COL21A1: variants seen among roughly 807,000 people sequenced by gnomAD.
The protein encoded by COL21A1 is collagen alpha-1(XXI) chain.
A neutral mutation model predicts 137.9 loss-of-function variants in COL21A1; 149 were observed. That is an observed-to-expected ratio of 1.08 (90% CI 0.95 to 1.24). The LOEUF (loss-of-function observed/expected upper bound fraction) is 1.24. Among genes scored for constraint, COL21A1 ranks in the 50% most tolerant of loss-of-function variants. COL21A1 has a pLI of 0.00. For missense variants in COL21A1, 1,167 were observed against 1,158.4 expected, an observed-to-expected ratio of 1.01 and a Z score of -0.11; for synonymous variants, 456 against 391.5, an observed-to-expected ratio of 1.16 and a Z score of -1.95.
chr6:56,233,614 G>GA (rs1220223283), intron 1 of COL21A1, among the ~76,000 whole-genome samples: 29 of 150,968 alleles, frequency 1.9e-4, no homozygotes, highest in African/African-American at 6.8e-4. Flanking sequence ...ATATTCAGAA[G>GA]AAAAAACTAA....
intron 10 of COL21A1, among the ~76,000 whole-genome samples, chr6:56,144,651 AT>A (rs1582473778): frequency 6.6e-6 from 1 of 152,184 alleles, no homozygotes; most frequent in African/African-American, 2.4e-5. Context: ...TTGATGTGGT[AT>A]TTGTTATAGA....
Position 56,101,508 on chromosome 6 carries a change from A to G in COL21A1, c.1776T>C (p.Pro592=). 1 of 1,593,006 alleles carries G rather than the reference A, an allele frequency of 6.3e-7. No individual in the cohort carries two copies. The highest frequency in any genetic ancestry group is 8.6e-7 in the Non-Finnish European group (1 of 1,168,482). ...SPGFKGEAGS[P]GAPGQDGTRG... ...GTGTTCCATCCTGCCCCGGAGCACC[A>G]GGGGATCCTGCTTCTCCCTTTTAAT... Residue 592 remains proline (P), a synonymous_variant, in exon 17 of 30, where the codon CCT becomes CCC. Transcript: ENST00000244728.
chr6:56,063,289 G>A (rs1036558466), intron 24 of COL21A1, among the ~76,000 whole-genome samples: 1 of 152,124 alleles, frequency 6.6e-6, no homozygotes, highest in African/African-American at 2.4e-5. Flanking sequence ...AAATTCTAAA[G>A]GAAATATCCT....
chr6:56,351,226 C>A (rs957097159), intron 1 of COL21A1, among the ~76,000 whole-genome samples: 13 of 152,202 alleles, frequency 8.5e-5, no homozygotes, highest in Non-Finnish European at 1.6e-4. Context: ...TGGTTGTATT[C>A]TTTGAAGGCC....
Position 56,182,540 on chromosome 6 carries a change from C to T in COL21A1, c.79G>A (p.Val27Ile), listed in dbSNP as rs755565184. 3 of 1,596,270 alleles carry T rather than the reference C, an allele frequency of 1.9e-6. No homozygotes were observed. The highest frequency in any genetic ancestry group is 2.7e-5 in the African/African-American group (2 of 74,782). The change falls in exon 2 of 30, where the codon GTA (valine) becomes ATA (isoleucine). Residue 27 changes from valine to isoleucine, a missense_variant. Val to Ile is a conservative substitution (Grantham distance 29). Transcript: ENST00000244728. ...QNSVLAEDGE[V>I]RSSCRTAPTD... ...TGCTGATAGTTCTTACTTGATCTTA[C>T]TTCCCCATCTTCAGCTAACACAGAA...
At chr6:56,379,162 G>A (rs986280562) in intron 1 of COL21A1, among the ~76,000 whole-genome samples, 11 of 152,246 alleles carry the variant, frequency 7.2e-5, no homozygotes, top group African/African-American at 2.4e-4. Context: ...ACTCTTCAAC[G>A]CCCAGACACA....
intron 9 of COL21A1, among the ~76,000 whole-genome samples, chr6:56,163,487 G>A (rs1776338695): frequency 1.3e-5 from 2 of 152,100 alleles, no homozygotes; most frequent in Non-Finnish European, 2.9e-5. Context: ...GAGGCGGGCG[G>A]ATCACGAGGT....
intron 10 of COL21A1, among the ~76,000 whole-genome samples, chr6:56,149,413 T>C (rs1775107012): frequency 6.6e-6 from 1 of 152,260 alleles, no homozygotes; most frequent in Middle Eastern, 3.4e-3. Context: ...TAGCAAAGAA[T>C]TAATTCTCTT....
chr6:56,280,589 A>C (rs1582753132), intron 1 of COL21A1, among the ~76,000 whole-genome samples: 1 of 152,244 alleles, frequency 6.6e-6, no homozygotes, highest in East Asian at 1.9e-4. Context: ...TAAGAAAGGA[A>C]GAAAGATGGA....
chr6:56,271,571 A>C (rs917548648), intron 1 of COL21A1, among the ~76,000 whole-genome samples: 1 of 152,260 alleles, frequency 6.6e-6, no homozygotes, highest in Admixed American at 6.5e-5. Context: ...AATTCAAGCC[A>C]GCTGCAGAAA....
chr6:56,223,293 A>G (rs986210780), intron 1 of COL21A1, among the ~76,000 whole-genome samples: 8 of 152,036 alleles, frequency 5.3e-5, no homozygotes, highest in African/African-American at 1.9e-4. Flanking sequence ...CTTCCCACTG[A>G]AAAGTAAAAG....
At chr6:56,190,793 A>G (rs1778619365) in intron 1 of COL21A1, among the ~76,000 whole-genome samples, 1 of 152,166 alleles carries the variant, frequency 6.6e-6, no homozygotes, top group Non-Finnish European at 1.5e-5. Flanking sequence ...ACATACACAA[A>G]TCAATAAATG....
At chr6:56,325,506 G>A (rs1288803602) in intron 1 of COL21A1, among the ~76,000 whole-genome samples, 12 of 534 alleles carry the variant, frequency 0.022, 2 homozygotes, top group Non-Finnish European at 0.22. Context: ...TATTATATCT[G>A]TAATATATTA....
intron 18 of COL21A1, 67 bp downstream of exon 18, chr6:56,077,462 T>A: frequency 9.9e-7 from 1 of 1,011,596 alleles, no homozygotes; most frequent in Non-Finnish European, 1.5e-6. Context: ...AAACTGTATT[T>A]TATTGTAGAC....
Position 56,179,888 on chromosome 6 carries a change from TAAGTA to T in COL21A1, c.325_329del (p.Tyr109ArgfsTer27). Reference sequence around the variant, plus strand: ...CCTTCCCTGTCTTTGTGTTTCCTCCTAAGTAGAGTATGGATTCCACTGCTGCCGTC... The same window carrying T: ...CCTTCCCTGTCTTTGTGTTTCCTCCTGAGTATGGATTCCACTGCTGCCGTC... On this transcript the variant is annotated frameshift_variant, in exon 3 of 30. Transcript: ENST00000244728. LOFTEE classifies it high-confidence loss of function. 2 of 1,613,958 alleles carry T rather than the reference TAAGTA, an allele frequency of 1.2e-6. No homozygotes were observed. The highest frequency in any genetic ancestry group is 1.7e-6 in the Non-Finnish European group (2 of 1,179,852).
intron 1 of COL21A1, among the ~76,000 whole-genome samples, chr6:56,226,234 CA>C (rs1304454488): frequency 2.0e-5 from 3 of 151,550 alleles, no homozygotes; most frequent in Admixed American, 6.6e-5. Flanking sequence ...AGGTGTATAC[CA>C]AAAAAAGTCA....
In COL21A1 at chr6:56,059,252, G is replaced by T; in HGVS notation, c.2609-10C>A. The T allele has an allele frequency of 6.3e-7, 1 of 1,580,310 alleles. No individual in the cohort carries two copies. Among genetic ancestry groups the T allele is most frequent in the African/African-American group, 1.4e-5 (1 of 72,988 alleles). On this transcript the variant is annotated splice_polypyrimidine_tract_variant and intron_variant, in intron 28 of 29. Transcript: ENST00000244728. ...TTTCTTCCTGGTAGGCCTGCAGGGTGTCAAACATCTGAGTAAGTTTACTTA... is the reference window on the plus strand; with the variant it reads ...TTTCTTCCTGGTAGGCCTGCAGGGTTTCAAACATCTGAGTAAGTTTACTTA...
intron 20 of COL21A1, among the ~76,000 whole-genome samples, chr6:56,071,531 C>A (rs1049288678): frequency 1.3e-5 from 2 of 151,504 alleles, no homozygotes; most frequent in Non-Finnish European, 3.0e-5. Context: ...AAGGGGAACA[C>A]AATAATTACC....
chr6:56,219,064 C>A (rs1162950827), intron 1 of COL21A1, among the ~76,000 whole-genome samples: 2 of 151,894 alleles, frequency 1.3e-5, no homozygotes, highest in African/African-American at 4.8e-5. Context: ...GAAGTGTCAT[C>A]TCCTATTCTA....
Sources: gnomAD v4.1 joint callset for allele counts (sites outside exome capture counted in the v4.1 genomes callset) on GRCh38, gnomAD v4.1.1 for gene constraint, MANE v1.5 for transcripts, NCBI Gene and HGNC (gene_info 2026-07-23, HGNC 2026-07-21) for gene names.